The following GEMIN7 variants were observed in gnomAD, a reference collection of about 807,000 sequenced individuals.
GEMIN7 encodes gem nuclear organelle associated protein 7, also known as gem-associated protein 7.
GEMIN7 carries 7 observed loss-of-function variants against 7.8 expected under a neutral mutation model. The observed-to-expected ratio is 0.90, with a 90% confidence interval of 0.51 to 1.69. GEMIN7 has a LOEUF of 1.69. Among genes scored for constraint, GEMIN7 ranks in the 40% most tolerant of loss-of-function variants. GEMIN7 has a pLI of 0.00. For missense variants in GEMIN7, 159 were observed against 176.2 expected (o/e 0.90, Z 0.55); for synonymous variants, 68 against 72.4 (o/e 0.94, Z 0.31).
upstream of GEMIN7, chr19:45,076,362 G>C (rs1667988674): frequency 7.4e-7 from 1 of 1,348,620 alleles, no homozygotes; most frequent in Non-Finnish European, 9.5e-7. The surrounding 1 kb of genome is among the most constrained non-coding windows in gnomAD (Gnocchi z 4.9). Flanking sequence ...TGCCGGCCTT[G>C]CGGCGGGACA....
intron 2 of GEMIN7, among the ~76,000 whole-genome samples, chr19:45,089,796 G>C (rs995820105): frequency 6.6e-6 from 1 of 152,248 alleles, no homozygotes; most frequent in African/African-American, 2.4e-5. Context: ...TGGGATTACA[G>C]GCATGAGCCA....
At chr19:45,076,733 C>A (rs1217131047), upstream of GEMIN7, 1 of 215,272 alleles carries the variant, frequency 4.6e-6, no homozygotes, top group Non-Finnish European at 9.1e-6. This position sits in a 1 kb window ranked among gnomAD's most constrained non-coding sequence, Gnocchi z 4.9. Flanking sequence ...CCACACGCAC[C>A]CCCAAGCGAG....
chr19:45,076,423 G>A, upstream of GEMIN7: 4 of 1,204,888 alleles, frequency 3.3e-6, no homozygotes, highest in Non-Finnish European at 2.1e-6. The surrounding 1 kb of genome is among the most constrained non-coding windows in gnomAD (Gnocchi z 4.9). Flanking sequence ...CAGGCGGGCG[G>A]GCGGAGGACG....
intron 2 of GEMIN7, among the ~76,000 whole-genome samples, 157 bp downstream of exon 2, chr19:45,080,186 C>A (rs1967451779): frequency 6.6e-6 from 1 of 151,938 alleles, no homozygotes; most frequent in Non-Finnish European, 1.5e-5. Flanking sequence ...GCCTCTGGGG[C>A]CAGGTCACCA....
At chr19:45,084,252 C>T (rs1397143455) in intron 2 of GEMIN7, among the ~76,000 whole-genome samples, 1 of 146,196 alleles carries the variant, frequency 6.8e-6, no homozygotes, top group Non-Finnish European at 1.5e-5. Context: ...AATTTAGTGG[C>T]TGGGCATGGT....
In GEMIN7 at chr19:45,090,293, C is replaced by T. The variant is rs1343930046; in HGVS notation, c.179C>T (p.Ala60Val). ...SLESQEQRAR[A>V]ALRERYLRSL... Reference sequence around the variant, plus strand: ...GAATCCCAGGAGCAGCGGGCACGAGCCGCCCTTCGGGAGCGTTACCTCCGC... The same window carrying T: ...GAATCCCAGGAGCAGCGGGCACGAGTCGCCCTTCGGGAGCGTTACCTCCGC... Residue 60 changes from alanine to valine, a missense_variant, in exon 3 of 3, where the codon GCC (alanine) becomes GTC (valine). By Grantham distance (64) the Ala-to-Val change is moderately conservative (BLOSUM62 0). Transcript: ENST00000270257. The T allele has an allele frequency of 6.2e-7, 1 of 1,614,168 alleles. No homozygotes were observed. Among genetic ancestry groups the T allele is most frequent in the Admixed American group, 1.7e-5 (1 of 60,026 alleles).
rs775564191 is a variant in GEMIN7 at position 45,083,590 on chromosome 19, ATTC to A, written c.-9+3570_-9+3572del. ...GCTCTTTTTCACATTTTCTTTTCCA[ATTC>A]TTCTTCTTTTTTTTTTTTTTTTTGT... is the stretch of plus-strand genomic sequence containing the variant. On this transcript the variant is annotated intron_variant, in intron 2 of 2. Coordinates refer to ENST00000270257, the MANE Select transcript of GEMIN7 (RefSeq NM_024707.3). Among the ~76,000 whole-genome samples, 214 of 124,342 alleles carry A rather than the reference ATTC, an allele frequency of 1.7e-3. 9 individuals carry two copies. The highest frequency in any genetic ancestry group is 5.9e-3 in the African/African-American group (188 of 31,650). 81.6% of individuals were successfully genotyped at this position (124,342 alleles called of 152,430 possible).
Position 45,087,292 on chromosome 19 carries a change from G to C in GEMIN7, c.-8-2815G>C, listed in dbSNP as rs144361720. On this transcript the variant is annotated intron_variant, in intron 2 of 2. Coordinates refer to ENST00000270257, the MANE Select transcript of GEMIN7 (RefSeq NM_024707.3). Reference sequence around the variant, plus strand: ...CCCAAGTAGCTGGGATTACAGGCACGCACCACCACGTCCGGCTGATTTTTG... The same window carrying C: ...CCCAAGTAGCTGGGATTACAGGCACCCACCACCACGTCCGGCTGATTTTTG... 4.9e-4 allele frequency among the ~76,000 whole-genome samples: 74 copies of C among 152,288 alleles called. 3 individuals carry two copies. In the East Asian group the frequency reaches 0.013, roughly 27 times the overall value.
chr19:45,087,913 A>ATGTG (rs896564916), intron 2 of GEMIN7, among the ~76,000 whole-genome samples: 1 of 150,060 alleles, frequency 6.7e-6, no homozygotes, highest in Non-Finnish European at 1.5e-5. Context: ...ATAAATAAAT[A>ATGTG]TGTGTGTGTG....
chr19:45,076,453 G>A, upstream of GEMIN7: 1 of 1,067,764 alleles, frequency 9.4e-7, no homozygotes, highest in Non-Finnish European at 1.2e-6. The surrounding 1 kb of genome is among the most constrained non-coding windows in gnomAD (Gnocchi z 4.9). Context: ...AGGACGCGCG[G>A]ACCGTGCGCG....
intron 2 of GEMIN7, among the ~76,000 whole-genome samples, chr19:45,086,159 G>A (rs182339563): frequency 2.3e-4 from 35 of 151,010 alleles, no homozygotes; most frequent in African/African-American, 7.8e-4. Context: ...GAGCCACCAC[G>A]CCCGGCCACA....
At chr19:45,080,914 G>A (rs1420843926) in intron 2 of GEMIN7, among the ~76,000 whole-genome samples, 2 of 152,124 alleles carry the variant, frequency 1.3e-5, no homozygotes, top group African/African-American at 2.4e-5. Flanking sequence ...AGACTAGGGG[G>A]TTTCTCTTGA....
intron 2 of GEMIN7, among the ~76,000 whole-genome samples, chr19:45,086,944 G>T (rs6509189): frequency 0.47 from 71,225 of 150,768 alleles, 17,645 homozygotes; most frequent in African/African-American, 0.62. Context: ...CCTCCCTGGT[G>T]CAAGCGATTC....
intron 2 of GEMIN7, among the ~76,000 whole-genome samples, chr19:45,089,165 T>C (rs1046130412): frequency 3.3e-5 from 5 of 151,744 alleles, no homozygotes; most frequent in African/African-American, 4.8e-5. Context: ...TGGTCTCGAA[T>C]TCCTGACCTC....
upstream of GEMIN7, chr19:45,076,073 C>T: frequency 6.3e-7 from 1 of 1,582,100 alleles, no homozygotes; most frequent in East Asian, 2.3e-5. This position sits in a 1 kb window ranked among gnomAD's most constrained non-coding sequence, Gnocchi z 4.9. Flanking sequence ...CCGGGGTGCT[C>T]ACCGGGATAG....
chr19:45,077,439 C>T (rs1967377364), upstream of GEMIN7, among the ~76,000 whole-genome samples: 2 of 152,142 alleles, frequency 1.3e-5, no homozygotes, highest in South Asian at 4.1e-4. Context: ...GACACCCTGC[C>T]CCACCCTCAA....
chr19:45,078,530 A>G (rs529072046), upstream of GEMIN7, among the ~76,000 whole-genome samples: 1 of 152,278 alleles, frequency 6.6e-6, no homozygotes, highest in Non-Finnish European at 1.5e-5. Context: ...TCTTGTTCAT[A>G]AATACAACCC....
Position 45,090,283 on chromosome 19 carries a change from CG to C in GEMIN7, c.172del (p.Ala58HisfsTer21), listed in dbSNP as rs1967850946. 1 of 1,614,054 alleles carries C rather than the reference CG, an allele frequency of 6.2e-7. No individual in the cohort carries two copies. The highest frequency in any genetic ancestry group is 1.7e-5 in the Admixed American group (1 of 60,006). The stretch of plus-strand genomic sequence containing the variant: ...AGAATCCCTGGAATCCCAGGAGCAG[CG>C]GGCACGAGCCGCCCTTCGGGAGCGT... ...AQESLESQEQRARAALRERYL... is the reference protein window; with the variant it reads ...AQESLESQEQXARAALRERYL... On this transcript the variant is annotated frameshift_variant, in exon 3 of 3. Transcript: ENST00000270257. LOFTEE classifies it high-confidence loss of function.
chr19:45,079,058 C>A (rs1967413585), upstream of GEMIN7: 1 of 152,268 alleles, frequency 6.6e-6, no homozygotes, highest in African/African-American at 2.4e-5. Flanking sequence ...CCCAGACGCC[C>A]CCAACTCGCA....
Sources: gnomAD v4.1 joint callset for allele counts (sites outside exome capture counted in the v4.1 genomes callset) on GRCh38, gnomAD v4.1.1 for gene constraint, Gnocchi (gnomAD v3.1) non-coding constraint, MANE v1.5 for transcripts, NCBI Gene and HGNC (gene_info 2026-07-23, HGNC 2026-07-21) for gene names.